Variants in CDK11B observed in about 807,000 individuals in gnomAD.
CDK11B encodes cyclin-dependent kinase 11B.
In CDK11B, 37 loss-of-function variants were observed where a neutral mutation model predicts 84.0. The observed-to-expected ratio is 0.44, with a 90% confidence interval of 0.34 to 0.58. The LOEUF is 0.58. Among genes scored for constraint, CDK11B ranks in the 20% least tolerant of loss-of-function variants. CDK11B has a pLI of 0.02. For synonymous variants in CDK11B, 269 were observed against 309.8 expected, an observed-to-expected ratio of 0.87 and a Z score of 1.38; for missense variants, 427 against 834.0, an observed-to-expected ratio of 0.51 and a Z score of 6.01.
chr1:1,649,115 T>C (rs1351170776), intron 5 of CDK11B, among the ~76,000 whole-genome samples: 1 of 152,106 alleles, frequency 6.6e-6, no homozygotes, highest in African/African-American at 2.4e-5. Flanking sequence ...TTCTTTTTTT[T>C]TTGAGACGGA....
At chr1:1,651,479 C>T (rs1236425260) in intron 4 of CDK11B, among the ~76,000 whole-genome samples, 2 of 103,074 alleles carry the variant, frequency 1.9e-5, no homozygotes, top group Non-Finnish European at 3.7e-5. Flanking sequence ...ACTCTATAGC[C>T]CCTCTGAATG....
chr1:1,643,532 TG>T (rs1640568536), intron 6 of CDK11B, among the ~76,000 whole-genome samples: 1 of 148,492 alleles, frequency 6.7e-6, no homozygotes, highest in Admixed American at 6.6e-5. Flanking sequence ...TGACGGTAGA[TG>T]TCCCAAAGAC....
At position 1,658,129 on chromosome 1, in the gene CDK11B, G is replaced by A. The variant is rs191982645; in HGVS notation, c.-13-631C>T. Among the ~76,000 whole-genome samples the A allele has an allele frequency of 2.7e-5, 4 of 146,244 alleles. No individual in the cohort carries two copies. In the East Asian group the frequency reaches 8.2e-4, roughly 30 times the overall value. On this transcript the variant is annotated intron_variant, in intron 1 of 19. Coordinates refer to ENST00000341832, the MANE Select transcript of CDK11B (RefSeq NM_033486.3). The stretch of plus-strand genomic sequence containing the variant: ...GCGGAGGTTCCGGTGAGCCGAGGTC[G>A]CGTCACTGCACTCCAGCAAGACCCC...
In CDK11B at chr1:1,657,380, T is replaced by G; in HGVS notation, c.106A>C (p.Lys36Gln). The stretch of plus-strand genomic sequence containing the variant: ...ACTTAAAAAATATGGCTTACATTTT[T>G]TAAGCGTTTTATCTCTGCTTTCTCC... Reference protein sequence around the residue: ...QEEKAEIKRLKNSDDRDSKRD... With the variant: ...QEEKAEIKRLQNSDDRDSKRD... Residue 36 changes from lysine (K) to glutamine (Q), a missense_variant, in exon 2 of 20, where the codon AAA becomes CAA. Coordinates refer to ENST00000341832, the MANE Select transcript of CDK11B (RefSeq NM_033486.3). 3 of 1,611,558 alleles carry G rather than the reference T, an allele frequency of 1.9e-6. No homozygotes were observed. Among genetic ancestry groups the G allele is most frequent in the Non-Finnish European group, 2.5e-6 (3 of 1,178,660 alleles).
intron 5 of CDK11B, among the ~76,000 whole-genome samples, chr1:1,647,629 T>C (rs1450906939): frequency 1.3e-5 from 2 of 152,256 alleles, no homozygotes; most frequent in East Asian, 3.8e-4. Context: ...GCGGCTTCTA[T>C]TTTCTGCCAG....
In CDK11B at chr1:1,640,280, C is replaced by T. The variant is rs1461102577; in HGVS notation, c.1248G>A (p.Leu416=). The T allele has an allele frequency of 1.2e-6, 2 of 1,613,370 alleles. No homozygotes were observed. Among genetic ancestry groups the T allele is most frequent in the Admixed American group, 3.3e-5 (2 of 59,996 alleles). Residue 416 remains leucine (L), a synonymous_variant, in exon 11 of 20, where the codon CTG becomes CTA. Coordinates refer to ENST00000341832, the MANE Select transcript of CDK11B (RefSeq NM_033486.3). ...KQELPKYLPA[L]QGCRSVEEFQ... is the part of the protein sequence containing the mutation. ...CGGGGCGAGGGGAGGGCCTGACCTG[C>T]AGGGCCGGCAGGTACTTGGGCAGCT...
At chr1:1,650,871 A>G (rs1322307814) in intron 4 of CDK11B, among the ~76,000 whole-genome samples, 1 of 152,048 alleles carries the variant, frequency 6.6e-6, no homozygotes, top group African/African-American at 2.4e-5. Context: ...ATTATGAAGA[A>G]AGAAGAAAAA....
At chr1:1,639,881 C>A (rs1010139671) in intron 11 of CDK11B, among the ~76,000 whole-genome samples, 1 of 151,916 alleles carries the variant, frequency 6.6e-6, no homozygotes, top group Non-Finnish European at 1.5e-5. Context: ...TAGCCGCTCC[C>A]CCATCCAAGC....
chr1:1,650,055 C>T (rs1641730334), intron 4 of CDK11B, among the ~76,000 whole-genome samples: 2 of 150,128 alleles, frequency 1.3e-5, no homozygotes, highest in South Asian at 2.1e-4. Context: ...GGGCGGATCA[C>T]AAGGTCAGAT....
intron 2 of CDK11B, among the ~76,000 whole-genome samples, chr1:1,656,116 GA>G (rs1339337006): frequency 6.6e-6 from 1 of 152,144 alleles, no homozygotes; most frequent in Non-Finnish European, 1.5e-5. Flanking sequence ...GCATCCCTTG[GA>G]GATATTTTGG....
At chr1:1,650,000 G>A (rs1243510191) in intron 4 of CDK11B, among the ~76,000 whole-genome samples, 41,810 of 147,428 alleles carry the variant, frequency 0.28, 7,593 homozygotes, top group Non-Finnish European at 0.39. Flanking sequence ...AAGACCGGGC[G>A]CGGTGGCTCA....
At chr1:1,652,669 AG>A (rs1642160724) in intron 3 of CDK11B, 103 bp from the exon 4 acceptor site, 1 of 807,972 alleles carries the variant, frequency 1.2e-6, no homozygotes, top group Admixed American at 3.1e-5. Flanking sequence ...TGATTCAGAC[AG>A]GAACAAAGCT....
intron 3 of CDK11B, among the ~76,000 whole-genome samples, chr1:1,653,396 T>C (rs12753686): frequency 0.34 from 51,552 of 151,168 alleles, 9,596 homozygotes; most frequent in African/African-American, 0.49. Flanking sequence ...TCTTGGCTCA[T>C]TGCAACCTTT....
At chr1:1,645,908 G>A (rs528510043) in intron 5 of CDK11B, 92 of 346,920 alleles carry the variant, frequency 2.7e-4, no homozygotes, top group East Asian at 1.4e-3. Context: ...GCGCAATCTC[G>A]GCTCACTGCA....
At chr1:1,653,330 T>C (rs1007142885) in intron 3 of CDK11B, among the ~76,000 whole-genome samples, 1 of 152,038 alleles carries the variant, frequency 6.6e-6, no homozygotes, top group African/African-American at 2.4e-5. Flanking sequence ...GCTTTATTTT[T>C]ATTTTTTTCA....
At chr1:1,648,627 C>T (rs1442437192) in intron 5 of CDK11B, among the ~76,000 whole-genome samples, 4 of 152,092 alleles carry the variant, frequency 2.6e-5, no homozygotes, top group African/African-American at 9.7e-5. Context: ...AGCCTTTTTC[C>T]TGGTTCACGG....
intron 11 of CDK11B, among the ~76,000 whole-genome samples, chr1:1,638,907 C>T (rs1303627625): frequency 6.6e-6 from 1 of 151,448 alleles, no homozygotes; most frequent in Non-Finnish European, 1.5e-5. Context: ...TCAAGACCAG[C>T]CCGGCCAACA....
chr1:1,636,526 G>C, intron 17 of CDK11B, 45 bp from the exon 18 acceptor site: 1 of 1,523,218 alleles, frequency 6.6e-7, no homozygotes, highest in Non-Finnish European at 8.8e-7. Context: ...GTGGCCCACA[G>C]TGTTGGCACC....
intron 2 of CDK11B, chr1:1,657,137 G>A (rs889755559): frequency 6.2e-6 from 8 of 1,284,326 alleles, no homozygotes; most frequent in African/African-American, 1.5e-5. Flanking sequence ...AACATTCAAC[G>A]TATTTTATTC....
Sources: allele counts gnomAD v4.1 joint callset (sites outside exome capture counted in the v4.1 genomes callset), GRCh38; gene constraint gnomAD v4.1.1; transcripts MANE v1.5; gene names NCBI Gene and HGNC (gene_info 2026-07-23, HGNC 2026-07-21).